The following FAM9B variants were observed in gnomAD, a reference collection of about 807,000 sequenced individuals.
FAM9B encodes the protein protein FAM9B.
Under a neutral mutation model 16.6 loss-of-function variants are expected in FAM9B, and 18 were observed. The ratio of observed to expected loss-of-function variants is 1.09; its 90% CI spans 0.75 to 1.61. The LOEUF is 1.61. FAM9B is among the 40% of genes most tolerant of loss of function. The probability of loss-of-function intolerance (pLI) is 0.00; values close to 1 mark genes in which losing one functional copy is unlikely to be tolerated. For missense variants in FAM9B, 155 were observed against 136.0 expected (o/e 1.14, Z -0.70); for synonymous variants, 43 against 42.6 (o/e 1.01, Z -0.03).
intron 5 of FAM9B, 50 bp from the exon 6 acceptor site, chrX:9,029,468 A>C: frequency 1.1e-6 from 1 of 894,748 alleles, no homozygotes. Flanking sequence ...GAGATGAAAA[A>C]TTAATCCTAT....
chrX:9,033,700 A>AACCCC, intron 1 of FAM9B, 152 bp downstream of exon 1: 2 of 101,849 alleles, frequency 2.0e-5, no homozygotes, highest in Non-Finnish European at 2.4e-5. Context: ...AGCCCACCCT[A>AACCCC]GCCCACCCTC....
intron 1 of FAM9B, 59 bp downstream of exon 1, chrX:9,033,793 C>G: frequency 1.3e-6 from 1 of 751,051 alleles, no homozygotes; most frequent in Non-Finnish European, 1.6e-6. Context: ...GCGCTTCACA[C>G]CCTGGTTCCC....
At chrX:9,027,551 A>C (rs752566762) in intron 7 of FAM9B, among the ~76,000 whole-genome samples, 6 of 111,547 alleles carry the variant, frequency 5.4e-5, no homozygotes, top group African/African-American at 6.5e-5. Flanking sequence ...TTCACACACA[A>C]AAAAAATTTG....
At position 9,034,054 on chromosome X, in the gene FAM9B, C is replaced by CA. The variant is rs1258629129; in HGVS notation, c.-293dup. On this transcript the variant is annotated 5_prime_UTR_variant, in exon 1 of 9. Transcript: ENST00000327220. ...AGACTCCGTCCCAAAAAAAACAAAA[C>CA]AAAAAAACAAAAAAAAAGAAAAGTA... is the stretch of plus-strand genomic sequence containing the variant. The CA allele has an allele frequency of 1.2e-4, 28 of 228,860 alleles. No homozygotes were observed. The highest frequency in any genetic ancestry group is 1.2e-3 in the Admixed American group (13 of 10,906). 18.9% of individuals were successfully genotyped at this position (228,860 alleles called of 1,213,427 possible).
Position 9,027,871 on chromosome X carries a change from T to C in FAM9B, c.489A>G (p.Val163=). The C allele has an allele frequency of 8.3e-7, 1 of 1,205,301 alleles. No homozygotes were observed. The highest frequency in any genetic ancestry group is 1.1e-6 in the Non-Finnish European group (1 of 889,644). ...KEMKLLRDQF[V]KALEDFEDLC... ...TATGTTACCAAATAGAACAGACCTT[T>C]ACGAATTGGTCACGTAGCAGCTTCA... The change falls in exon 7 of 9, where the codon GTA becomes GTG. Residue 163 remains valine (V), a synonymous_variant. Coordinates refer to ENST00000327220, the MANE Select transcript of FAM9B (RefSeq NM_205849.3).
chrX:9,031,115 AT>A (rs1427336191), intron 4 of FAM9B: 1 of 111,700 alleles, frequency 9.0e-6, no homozygotes, highest in Non-Finnish European at 1.9e-5. Flanking sequence ...CAATGCAAAT[AT>A]TTTTTACATA....
intron 2 of FAM9B, 151 bp from the exon 3 acceptor site, chrX:9,032,612 C>G: frequency 2.3e-6 from 2 of 879,443 alleles, no homozygotes; most frequent in Non-Finnish European, 3.1e-6. Flanking sequence ...ATGGAATCAC[C>G]GGTTCCTGAC....
chrX:9,032,829 T>C, intron 2 of FAM9B, 130 bp downstream of exon 2: 3 of 968,917 alleles, frequency 3.1e-6, no homozygotes, highest in Non-Finnish European at 2.8e-6. Flanking sequence ...TCTTAGCACG[T>C]GCACAATGGA....
chrX:9,032,410 G>T lies in FAM9B; in HGVS notation c.80C>A (p.Thr27Lys), dbSNP rs1383232472. Reference sequence around the variant, plus strand: ...CTCATCAGTTACATCTTCCTCCCTTGTTTCTGTAAAACGGTTTCTTTCCTC... The same window carrying T: ...CTCATCAGTTACATCTTCCTCCCTTTTTTCTGTAAAACGGTTTCTTTCCTC... ...ECEERNRFTE[T>K]REEDVTDEHG... The change falls in exon 3 of 9, where the codon ACA (threonine) becomes AAA (lysine). Residue 27 changes from threonine to lysine, a missense_variant. Transcript: ENST00000327220. The T allele has an allele frequency of 8.3e-7, 1 of 1,209,612 alleles. No individual in the cohort carries two copies. Among genetic ancestry groups the T allele is most frequent in the Non-Finnish European group, 1.1e-6 (1 of 895,202 alleles).
chrX:9,029,449 C>T (rs376783680), intron 5 of FAM9B, 31 bp from the exon 6 acceptor site: 94 of 991,550 alleles, frequency 9.5e-5, no homozygotes, highest in East Asian at 7.5e-4. Context: ...CACGGTCATA[C>T]GTCATAGAGA....
At position 9,032,397 on chromosome X, in the gene FAM9B, A is replaced by C. The variant is rs756328331; in HGVS notation, c.93T>G (p.Asp31Glu). The C allele has an allele frequency of 1.7e-6, 2 of 1,211,742 alleles. No individual in the cohort carries two copies. Among genetic ancestry groups the C allele is most frequent in the Non-Finnish European group, 2.2e-6 (2 of 895,529 alleles). The change falls in exon 3 of 9, where the codon GAT (aspartate) becomes GAG (glutamate). Residue 31 changes from aspartate (D) to glutamate (E), a missense_variant. By Grantham distance (45) the Asp-to-Glu change is conservative. Coordinates refer to ENST00000327220, the MANE Select transcript of FAM9B (RefSeq NM_205849.3). ...CTCTTTCCCCATGCTCATCAGTTACATCTTCCTCCCTTGTTTCTGTAAAAC... is the reference window on the plus strand; with the variant it reads ...CTCTTTCCCCATGCTCATCAGTTACCTCTTCCTCCCTTGTTTCTGTAAAAC... ...RNRFTETREE[D>E]VTDEHGEREP...
intron 4 of FAM9B, chrX:9,030,703 T>G (rs183220549): frequency 1.3e-4 from 17 of 135,650 alleles, no homozygotes; most frequent in African/African-American, 4.1e-4. Flanking sequence ...TTATAAAATG[T>G]CCTACAATTC....
intron 4 of FAM9B, chrX:9,030,597 C>T (rs1210360124): frequency 2.3e-5 from 6 of 260,445 alleles, no homozygotes; most frequent in Non-Finnish European, 4.0e-5. Context: ...CTGAAAATCA[C>T]TTAATTGACA....
At position 9,025,097 on chromosome X, in the gene FAM9B, T is replaced by A. The variant is rs938304676; in HGVS notation, c.*312A>T. On this transcript the variant is annotated 3_prime_UTR_variant, in exon 9 of 9. Transcript: ENST00000327220. ...ATCGAAATCTAAATTATCTTTAATG[T>A]TAAAATTTAATTGACCGTGTACATA... is the stretch of plus-strand genomic sequence containing the variant. 8.7e-6 allele frequency: 1 copy of A among 114,950 alleles called. No homozygotes were observed. The highest frequency in any genetic ancestry group is 3.2e-5 in the African/African-American group (1 of 31,143). 9.5% of individuals were successfully genotyped at this position (114,950 alleles called of 1,213,427 possible).
chrX:9,032,410 G>C lies in FAM9B; in HGVS notation c.80C>G (p.Thr27Arg). ...CTCATCAGTTACATCTTCCTCCCTT[G>C]TTTCTGTAAAACGGTTTCTTTCCTC... Reference protein sequence around the residue: ...ECEERNRFTETREEDVTDEHG... With the variant: ...ECEERNRFTERREEDVTDEHG... Residue 27 changes from threonine (T) to arginine (R), a missense_variant, in exon 3 of 9, where the codon ACA (threonine) becomes AGA (arginine). Transcript: ENST00000327220. 1 of 1,211,556 alleles carries C rather than the reference G, an allele frequency of 8.3e-7. No individual in the cohort carries two copies. The highest frequency in any genetic ancestry group is 1.1e-6 in the Non-Finnish European group (1 of 895,493).
At position 9,033,071 on chromosome X, in the gene FAM9B, C is replaced by T. The variant is rs777400675; in HGVS notation, c.-85G>A. 12 of 1,209,731 alleles carry T rather than the reference C, an allele frequency of 9.9e-6. No individual in the cohort carries two copies. The highest frequency in any genetic ancestry group is 4.5e-6 in the Non-Finnish European group (4 of 894,223). On this transcript the variant is annotated 5_prime_UTR_variant, in exon 2 of 9. Transcript: ENST00000327220. ...GTCCTGGGAAGCTAGAGGCGATCCC[C>T]GAACCTGGTGAGCGCAAAGACACAC... is the stretch of plus-strand genomic sequence containing the variant.
At position 9,030,267 on chromosome X, in the gene FAM9B, A is replaced by G. The variant is rs1276538050; in HGVS notation, c.275T>C (p.Leu92Pro). 4.3e-5 allele frequency: 51 copies of G among 1,196,205 alleles called. No homozygotes were observed. The highest frequency in any genetic ancestry group is 5.6e-5 in the Non-Finnish European group (50 of 888,123). ...KSKHALRKKQ[L>P]KRQKRDYIHS... ...AAAAAGCCAACAGTCATACCTTTTA[A>G]GTTGCTTTTTTCTCAAAGCATGTTT... Residue 92 changes from leucine (L) to proline (P), a missense_variant, in exon 5 of 9, where the codon CTT (leucine) becomes CCT (proline). Transcript: ENST00000327220.
chrX:9,028,109 T>G (rs941268569), intron 6 of FAM9B, 143 bp from the exon 7 acceptor site: 32 of 437,866 alleles, frequency 7.3e-5, no homozygotes, highest in Admixed American at 2.0e-4. Context: ...GGACCAATTT[T>G]AAACAATTGT....
In FAM9B at chrX:9,030,367, T is replaced by C; in HGVS notation, c.182-7A>G. On this transcript the variant is annotated splice_region_variant and splice_polypyrimidine_tract_variant and intron_variant, in intron 4 of 8. Transcript: ENST00000327220. ...CTTTTTGCAGTAAGATCCTCTTTAA[T>C]GTCAGTTAGATAGTAAATGAAAATG... The C allele has an allele frequency of 8.6e-7, 1 of 1,162,387 alleles. No individual in the cohort carries two copies. The highest frequency in any genetic ancestry group is 1.2e-6 in the Non-Finnish European group (1 of 860,786).
Sources: allele counts gnomAD v4.1 joint callset (sites outside exome capture counted in the v4.1 genomes callset), GRCh38; gene constraint gnomAD v4.1.1; transcripts MANE v1.5; gene names NCBI Gene and HGNC (gene_info 2026-07-23, HGNC 2026-07-21).